The following MEIS2 variants were observed in gnomAD, a reference collection of about 807,000 sequenced individuals.
The protein encoded by MEIS2 is homeobox protein Meis2.
Under a neutral mutation model 58.6 loss-of-function variants are expected in MEIS2, and 9 were observed. The observed-to-expected ratio is 0.15, with a 90% confidence interval of 0.09 to 0.27. The LOEUF (loss-of-function observed/expected upper bound fraction) is 0.27, where lower values mean the gene tolerates loss of function less well. Ranked by LOEUF, MEIS2 falls within the 10% of genes least tolerant of loss-of-function variation. MEIS2 has a pLI of 1.00. For synonymous variants in MEIS2, 221 were observed against 228.4 expected (o/e 0.97, Z 0.29); for missense variants, 427 against 635.0 (o/e 0.67, Z 3.52).
intron 9 of MEIS2, among the ~76,000 whole-genome samples, chr15:36,937,579 G>T (rs2058222267): frequency 6.6e-6 from 1 of 152,110 alleles, no homozygotes; most frequent in Admixed American, 6.6e-5. Context: ...TTTATAAATT[G>T]CTATGAAAGT....
chr15:36,895,020 G>A (rs980715581), intron 11 of MEIS2, 131 bp downstream of exon 11: 3 of 940,088 alleles, frequency 3.2e-6, no homozygotes, highest in Non-Finnish European at 4.9e-6. Flanking sequence ...CCAATGTAAA[G>A]AAAGCAGGCA....
intron 7 of MEIS2, among the ~76,000 whole-genome samples, chr15:37,043,595 C>T (rs2062526593): frequency 6.6e-6 from 1 of 150,880 alleles, no homozygotes; most frequent in South Asian, 2.1e-4. Context: ...TAGTCGGATA[C>T]ATATATACAT....
At chr15:37,024,667 G>A (rs1449507237) in intron 8 of MEIS2, among the ~76,000 whole-genome samples, 1 of 152,142 alleles carries the variant, frequency 6.6e-6, no homozygotes, top group Admixed American at 6.5e-5. Flanking sequence ...TGTCTTCAGG[G>A]GAAAAATAAA....
intron 7 of MEIS2, among the ~76,000 whole-genome samples, chr15:37,071,712 T>C (rs1890729497): frequency 6.6e-6 from 1 of 152,068 alleles, no homozygotes; most frequent in Non-Finnish European, 1.5e-5. Flanking sequence ...AAGTGAAGGA[T>C]GGGAGATTTG....
At position 36,892,018 on chromosome 15, in the gene MEIS2, T is replaced by G; in HGVS notation, c.*155A>C. On this transcript the variant is annotated 3_prime_UTR_variant, in exon 12 of 12. Coordinates refer to ENST00000561208, the MANE Select transcript of MEIS2 (RefSeq NM_170675.5). The stretch of plus-strand genomic sequence containing the variant: ...CATGATTTCACATTTGTGTTCTTGT[T>G]GCATTGGTCCTCTGTTGCTTGATGA... 1 of 763,112 alleles carries G rather than the reference T, an allele frequency of 1.3e-6. No homozygotes were observed. The highest frequency in any genetic ancestry group is 2.2e-6 in the Non-Finnish European group (1 of 456,138). 47.3% of individuals were successfully genotyped at this position (763,112 alleles called of 1,614,324 possible).
chr15:36,919,838 C>T (rs1230512181), intron 9 of MEIS2, among the ~76,000 whole-genome samples: 1 of 152,132 alleles, frequency 6.6e-6, no homozygotes, highest in East Asian at 1.9e-4. Flanking sequence ...AGCTATCTTG[C>T]TAGATTTTGT....
At chr15:36,950,841 T>A (rs1304746101) in intron 8 of MEIS2, among the ~76,000 whole-genome samples, 1 of 152,118 alleles carries the variant, frequency 6.6e-6, no homozygotes, top group Non-Finnish European at 1.5e-5. Flanking sequence ...CTAGTTAAAT[T>A]TGAGATTATT....
At chr15:37,081,803 G>C (rs1048120009) in intron 7 of MEIS2, among the ~76,000 whole-genome samples, 1 of 151,972 alleles carries the variant, frequency 6.6e-6, no homozygotes, top group African/African-American at 2.4e-5. Context: ...AATCCTACAG[G>C]GATCAAATCC....
At chr15:36,933,661 G>T (rs146962836) in intron 9 of MEIS2, among the ~76,000 whole-genome samples, 262 of 152,202 alleles carry the variant, frequency 1.7e-3, no homozygotes, top group African/African-American at 5.9e-3. Context: ...ATTCAGAAGG[G>T]ATTAACAGTG....
intron 7 of MEIS2, among the ~76,000 whole-genome samples, chr15:37,083,240 T>A (rs1020223859): frequency 6.6e-6 from 1 of 152,296 alleles, no homozygotes; most frequent in Admixed American, 6.5e-5. Context: ...GTCAGCTGAA[T>A]GGAAATGGGG....
At chr15:36,962,373 C>A (rs925391835) in intron 8 of MEIS2, among the ~76,000 whole-genome samples, 1 of 152,098 alleles carries the variant, frequency 6.6e-6, no homozygotes, top group Non-Finnish European at 1.5e-5. Context: ...CCCTCAGACA[C>A]CAAAATCTGA....
intron 9 of MEIS2, among the ~76,000 whole-genome samples, chr15:36,914,877 G>A (rs183744382): frequency 2.2e-4 from 33 of 152,164 alleles, no homozygotes; most frequent in Admixed American, 2.0e-3. Context: ...AGCTTTGCAG[G>A]ACAAAAAGAA....
At chr15:36,988,696 A>G (rs2060172447) in intron 8 of MEIS2, among the ~76,000 whole-genome samples, 1 of 152,222 alleles carries the variant, frequency 6.6e-6, no homozygotes, top group African/African-American at 2.4e-5. Flanking sequence ...TCTTAAAACA[A>G]TAACCATCAA....
intron 8 of MEIS2, among the ~76,000 whole-genome samples, chr15:37,034,362 G>T (rs2062059602): frequency 6.6e-6 from 1 of 152,208 alleles, no homozygotes; most frequent in Non-Finnish European, 1.5e-5. Context: ...AACTCCCCCA[G>T]CTTAGGCTAT....
At chr15:36,982,150 A>C (rs548348650) in intron 8 of MEIS2, among the ~76,000 whole-genome samples, 56 of 152,206 alleles carry the variant, frequency 3.7e-4, no homozygotes, top group Middle Eastern at 3.4e-3. Flanking sequence ...CTATATATAT[A>C]TCTCTCTATA....
chr15:37,014,942 C>T (rs556971097), intron 8 of MEIS2, among the ~76,000 whole-genome samples: 6 of 151,958 alleles, frequency 3.9e-5, no homozygotes, highest in African/African-American at 1.4e-4. Context: ...CCACCAAACT[C>T]TCATTCTTTT....
intron 9 of MEIS2, among the ~76,000 whole-genome samples, chr15:36,915,352 G>A (rs1030687230): frequency 6.6e-6 from 1 of 152,192 alleles, no homozygotes; most frequent in African/African-American, 2.4e-5. Context: ...GCTGGGCTGT[G>A]TGCTAGGAGG....
chr15:36,896,848 C>T, intron 9 of MEIS2, 162 bp from the exon 10 acceptor site: 1 of 627,828 alleles, frequency 1.6e-6, no homozygotes, highest in Non-Finnish European at 2.8e-6. Flanking sequence ...AAATAGTTGA[C>T]TGGGTAATCT....
intron 7 of MEIS2, among the ~76,000 whole-genome samples, chr15:37,041,680 T>A (rs2062429530): frequency 6.6e-6 from 1 of 152,144 alleles, no homozygotes; most frequent in African/African-American, 2.4e-5. Flanking sequence ...AGGAAGGACG[T>A]CGGCACACTA....
Sources: allele counts gnomAD v4.1 joint callset (sites outside exome capture counted in the v4.1 genomes callset), GRCh38; gene constraint gnomAD v4.1.1; transcripts MANE v1.5; gene names NCBI Gene and HGNC (gene_info 2026-07-23, HGNC 2026-07-21).